FAM20A: variants seen among roughly 807,000 people sequenced by gnomAD.
FAM20A encodes the protein pseudokinase FAM20A.
FAM20A carries 42 observed loss-of-function variants against 52.0 expected under a neutral mutation model. That is an observed-to-expected ratio of 0.81 (90% confidence interval 0.63 to 1.04). FAM20A has a LOEUF of 1.04. Ranked by LOEUF, FAM20A falls within the 50% of genes least tolerant of loss-of-function variation. FAM20A has a pLI of 0.00. For synonymous variants in FAM20A, 304 were observed against 298.9 expected (o/e 1.02, Z -0.18); for missense variants, 742 against 712.7 (o/e 1.04, Z -0.47).
At chr17:68,565,581 A>G (rs907011956) in intron 1 of FAM20A, among the ~76,000 whole-genome samples, 2 of 151,628 alleles carry the variant, frequency 1.3e-5, no homozygotes, top group African/African-American at 4.8e-5. Context: ...TTTAGTAGAG[A>G]TGGGGTTTCA....
At chr17:68,591,603 G>A (rs1000474694) in intron 1 of FAM20A, among the ~76,000 whole-genome samples, 2 of 152,194 alleles carry the variant, frequency 1.3e-5, no homozygotes, top group African/African-American at 2.4e-5. Context: ...GACAGCTAAG[G>A]GTCCCTGGCG....
chr17:68,562,148 T>C (rs1268371260), intron 1 of FAM20A, among the ~76,000 whole-genome samples: 1 of 152,230 alleles, frequency 6.6e-6, no homozygotes, highest in Non-Finnish European at 1.5e-5. Flanking sequence ...AAACGTGTAA[T>C]GAGTGTACCC....
Position 68,541,010 on chromosome 17 carries a change from C to T in FAM20A, c.1110-52G>A, listed in dbSNP as rs140702436. The T allele has an allele frequency of 3.3e-3, 5,115 of 1,549,666 alleles. 139 individuals are homozygous for T. The African/African-American group carries it at 0.06, about 18-fold the overall frequency. Reference sequence around the variant, plus strand: ...TGGAAAAGCCAAGATGGCAGGGTGTCGGGGGTCTCCCCACACCTCCCCCTG... The same window carrying T: ...TGGAAAAGCCAAGATGGCAGGGTGTTGGGGGTCTCCCCACACCTCCCCCTG... On this transcript the variant is annotated intron_variant, in intron 7 of 10. Transcript: ENST00000592554.
At chr17:68,538,962 A>G (rs1274196851) in intron 10 of FAM20A, among the ~76,000 whole-genome samples, 2 of 152,210 alleles carry the variant, frequency 1.3e-5, no homozygotes, top group Non-Finnish European at 2.9e-5. Context: ...AACATCAGAG[A>G]GTGTACTCAC....
chr17:68,576,618 G>A (rs984647287), intron 1 of FAM20A, among the ~76,000 whole-genome samples: 8 of 152,246 alleles, frequency 5.3e-5, no homozygotes, highest in Admixed American at 1.3e-4. Flanking sequence ...GGAGATCCTC[G>A]CTGTAGACAC....
At chr17:68,539,630 G>A (rs762332400) in intron 9 of FAM20A, among the ~76,000 whole-genome samples, 5 of 152,244 alleles carry the variant, frequency 3.3e-5, no homozygotes, top group Non-Finnish European at 5.9e-5. Flanking sequence ...CAGCCACTGA[G>A]GATGCACCTT....
intron 1 of FAM20A, among the ~76,000 whole-genome samples, chr17:68,561,988 TAA>T (rs2087228122): frequency 6.6e-6 from 1 of 152,126 alleles, no homozygotes; most frequent in African/African-American, 2.4e-5. Context: ...CACACCTGGC[TAA>T]GTTTTGTTTT....
At chr17:68,582,547 C>G (rs2088037474) in intron 1 of FAM20A, 1 of 152,070 alleles carries the variant, frequency 6.6e-6, no homozygotes, top group South Asian at 2.1e-4. Context: ...TATCAAATAA[C>G]CTGTAAGGAA....
chr17:68,598,504 A>G (rs990025542), intron 1 of FAM20A, among the ~76,000 whole-genome samples: 2 of 152,158 alleles, frequency 1.3e-5, no homozygotes, highest in Non-Finnish European at 2.9e-5. Flanking sequence ...TTGAGCAACC[A>G]CACAAAACTA....
chr17:68,554,025 T>C (rs62087499), intron 3 of FAM20A, among the ~76,000 whole-genome samples: 21,701 of 86,292 alleles, frequency 0.25, 2,107 homozygotes, highest in African/African-American at 0.39. Context: ...CATATATACA[T>C]ATATACACAC....
At chr17:68,572,555 G>A (rs1391838275) in intron 1 of FAM20A, among the ~76,000 whole-genome samples, 2 of 152,062 alleles carry the variant, frequency 1.3e-5, no homozygotes, top group East Asian at 3.9e-4. Context: ...CTGTTGGAAT[G>A]GGCTTCATTT....
intron 9 of FAM20A, 97 bp downstream of exon 9, chr17:68,539,788 C>G: frequency 9.0e-7 from 1 of 1,109,810 alleles, no homozygotes; most frequent in Non-Finnish European, 1.4e-6. Context: ...GTGGTGGAGG[C>G]CCTCATTTGC....
Position 68,591,093 on chromosome 17 carries a change from CTGTTTTGTTTTGTTT to C in FAM20A, c.404+9155_404+9169del, listed in dbSNP as rs71144608. Among the ~76,000 whole-genome samples, 7 of 149,832 alleles carry C rather than the reference CTGTTTTGTTTTGTTT, an allele frequency of 4.7e-5. No individual in the cohort carries two copies. In the South Asian group the frequency reaches 6.4e-4, roughly 14 times the overall value. On this transcript the variant is annotated intron_variant, in intron 1 of 10. Transcript: ENST00000592554. ...GACAAAGACACAGAGTCCAAGGACT[CTGTTTTGTTTTGTTT>C]TGTTTTGTTTTGTTTTGAGAGGGAG...
rs984579561 is a variant in FAM20A, at chr17:68,536,980, A to T, written c.*497T>A. ...AATATGAGTAGAAAGTGTGAGGTCTAATTTGAACCTGTCAGAGTTACTGTT... is the reference window on the plus strand; with the variant it reads ...AATATGAGTAGAAAGTGTGAGGTCTTATTTGAACCTGTCAGAGTTACTGTT... On this transcript the variant is annotated 3_prime_UTR_variant, in exon 11 of 11. Coordinates refer to ENST00000592554, the MANE Select transcript of FAM20A (RefSeq NM_017565.4). 1 of 454,390 alleles carries T rather than the reference A, an allele frequency of 2.2e-6. No homozygotes were observed. The highest frequency in any genetic ancestry group is 4.4e-6 in the Non-Finnish European group (1 of 227,072). The allele number at this position is 454,390 out of a possible 1,614,324, so 28.1% of individuals were successfully genotyped here. A position where few individuals can be genotyped will look rare whatever the true frequency, so the allele number is the denominator to read the frequency against.
Position 68,536,062 on chromosome 17 carries a change from A to G in FAM20A, c.*1415T>C, listed in dbSNP as rs1055058134. On this transcript the variant is annotated 3_prime_UTR_variant, in exon 11 of 11. Transcript: ENST00000592554. ...GCCTCACCTGGTCAGATCTCAGTGA[A>G]TGGTAGTGATTTTAGAGAGACACAA... 1.1e-4 allele frequency: 50 copies of G among 453,972 alleles called. No homozygotes were observed. In the East Asian group the frequency reaches 3.5e-3, roughly 32 times the overall value. 28.1% of individuals were successfully genotyped at this position (453,972 alleles called of 1,614,324 possible).
intron 1 of FAM20A, among the ~76,000 whole-genome samples, chr17:68,586,085 A>C (rs1424639158): frequency 6.6e-6 from 1 of 152,160 alleles, no homozygotes. Context: ...TGTGGTGGGA[A>C]GGTTCTCATG....
chr17:68,537,870 A>G lies in FAM20A; in HGVS notation c.1362-129T>C. 1 of 1,049,612 alleles carries G rather than the reference A, an allele frequency of 9.5e-7. No homozygotes were observed. The highest frequency in any genetic ancestry group is 1.4e-6 in the Non-Finnish European group (1 of 706,270). 65.0% of individuals were successfully genotyped at this position (1,049,612 alleles called of 1,614,324 possible). On this transcript the variant is annotated intron_variant, in intron 10 of 10. Coordinates refer to ENST00000592554, the MANE Select transcript of FAM20A (RefSeq NM_017565.4). The surrounding 1 kb of genome is among the most constrained non-coding windows in gnomAD (Gnocchi z 4.2). ...CCTCTCCTTGTGTCTTCTCAGGCAC[A>G]TTTTAATGGAAACCAGGTAAAAAGG...
chr17:68,561,591 CT>C (rs5821662), intron 1 of FAM20A, among the ~76,000 whole-genome samples: 49,323 of 128,880 alleles, frequency 0.38, 8,968 homozygotes, highest in East Asian at 0.57. Context: ...TTTGATTGCT[CT>C]TTTTTTTTTT....
chr17:68,585,497 C>CT (rs1462276606), intron 1 of FAM20A, among the ~76,000 whole-genome samples: 1 of 151,150 alleles, frequency 6.6e-6, no homozygotes, highest in Non-Finnish European at 1.5e-5. Context: ...TTAAATTATA[C>CT]TTTAAGTTCT....
Sources: gnomAD v4.1 joint callset for allele counts (sites outside exome capture counted in the v4.1 genomes callset) on GRCh38, gnomAD v4.1.1 for gene constraint, Gnocchi (gnomAD v3.1) non-coding constraint, MANE v1.5 for transcripts, NCBI Gene and HGNC (gene_info 2026-07-23, HGNC 2026-07-21) for gene names.